The following ASCC2 variants were observed in gnomAD, a reference collection of about 807,000 sequenced individuals.
The protein encoded by ASCC2 is activating signal cointegrator 1 complex subunit 2.
In ASCC2, 42 loss-of-function variants were observed where a neutral mutation model predicts 93.5. The ratio of observed to expected loss-of-function variants is 0.45; its 90% CI spans 0.35 to 0.58. The LOEUF (loss-of-function observed/expected upper bound fraction) is 0.58, where lower values mean the gene tolerates loss of function less well. ASCC2 is among the 20% of genes least tolerant of loss of function. The pLI, the probability that ASCC2 is intolerant of heterozygous loss-of-function variation, is 0.00. For missense variants in ASCC2, 859 were observed against 977.6 expected (o/e 0.88, Z 1.62); for synonymous variants, 364 against 384.2 (o/e 0.95, Z 0.62).
At chr22:29,836,379 C>CAAAAAAAAA (rs999851531) in intron 1 of ASCC2, 3 of 35,496 alleles carry the variant, frequency 8.5e-5, no homozygotes, top group Non-Finnish European at 1.2e-4. Flanking sequence ...GACTCCATCT[C>CAAAAAAAAA]AAAAAAAAAA....
intron 8 of ASCC2, among the ~76,000 whole-genome samples, chr22:29,812,175 G>A (rs2060345550): frequency 6.6e-6 from 1 of 152,228 alleles, no homozygotes; most frequent in Non-Finnish European, 1.5e-5. Flanking sequence ...TTTGTTAAAT[G>A]GGTGAGTAAA....
intron 13 of ASCC2, 96 bp downstream of exon 13, chr22:29,804,542 T>C (rs2059455252): frequency 6.7e-7 from 1 of 1,486,500 alleles, no homozygotes; most frequent in Non-Finnish European, 9.1e-7. Flanking sequence ...TCCCTGAGTA[T>C]AAAAGCAAAG....
chr22:29,815,962 T>A (rs778075785), intron 6 of ASCC2, 44 bp downstream of exon 6: 4 of 1,499,292 alleles, frequency 2.7e-6, no homozygotes, highest in Non-Finnish European at 3.6e-6. Flanking sequence ...AGGTGGCCTA[T>A]CCTCCAAGCT....
chr22:29,803,106 C>T (rs2059283118), intron 13 of ASCC2, among the ~76,000 whole-genome samples: 1 of 151,592 alleles, frequency 6.6e-6, no homozygotes. Flanking sequence ...AAAAAATTAG[C>T]TGGGTGTGGT....
At chr22:29,806,947 G>A in intron 9 of ASCC2, 43 bp from the exon 10 acceptor site, 1 of 1,470,514 alleles carries the variant, frequency 6.8e-7, no homozygotes, top group South Asian at 1.2e-5. Context: ...GAGACAAAAA[G>A]GCCCTGAGGG....
intron 11 of ASCC2, 54 bp from the exon 12 acceptor site, chr22:29,806,344 T>C (rs1442836029): frequency 3.1e-6 from 5 of 1,593,808 alleles, no homozygotes; most frequent in African/African-American, 2.7e-5. Context: ...ACAGGAATGC[T>C]GTGCTGCTGC....
chr22:29,812,441 C>T (rs1682141902), intron 8 of ASCC2, among the ~76,000 whole-genome samples: 1 of 152,200 alleles, frequency 6.6e-6, no homozygotes, highest in African/African-American at 2.4e-5. Flanking sequence ...GCCTCCCTGG[C>T]TCATATTCTC....
At chr22:29,820,669 C>T (rs1460870903) in intron 5 of ASCC2, among the ~76,000 whole-genome samples, 1 of 151,778 alleles carries the variant, frequency 6.6e-6, no homozygotes, top group African/African-American at 2.4e-5. Flanking sequence ...CGCAGTGGCT[C>T]ACCGCCTGTA....
At position 29,816,021 on chromosome 22, in the gene ASCC2, C is replaced by T. The variant is rs2060811112; in HGVS notation, c.594G>A (p.Leu198=). The change falls in exon 6 of 20, where the codon CTG becomes CTA. Residue 198 remains leucine (L), a synonymous_variant. Coordinates refer to ENST00000307790, the MANE Select transcript of ASCC2 (RefSeq NM_032204.5). ...GAGCTGGTACCTGAAGGATGGTAGGCAGGGTTTCATCCAGGTCACTGTAGT... is the reference window on the plus strand; with the variant it reads ...GAGCTGGTACCTGAAGGATGGTAGGTAGGGTTTCATCCAGGTCACTGTAGT... ...PSYYSDLDET[L]PTILQVFSNI... is the part of the protein sequence containing the mutation. 5 of 1,596,064 alleles carry T rather than the reference C, an allele frequency of 3.1e-6. No individual in the cohort carries two copies. The highest frequency in any genetic ancestry group is 4.3e-6 in the Non-Finnish European group (5 of 1,170,640).
Position 29,790,536 on chromosome 22 carries a change from C to T in ASCC2, c.2035G>A (p.Val679Ile). 1 of 1,614,068 alleles carries T rather than the reference C, an allele frequency of 6.2e-7. No homozygotes were observed. The highest frequency in any genetic ancestry group is 8.5e-7 in the Non-Finnish European group (1 of 1,180,006). The change falls in exon 19 of 20, where the codon GTT (valine) becomes ATT (isoleucine). Residue 679 changes from valine (V) to isoleucine (I), a missense_variant. Coordinates refer to ENST00000307790, the MANE Select transcript of ASCC2 (RefSeq NM_032204.5). The stretch of plus-strand genomic sequence containing the variant: ...TCTCTCAGCACTGCAGGGTCCTGAA[C>T]AAAATGGTCGGGCTGTGGAAAGGAG... ...DEEAPKPDHF[V>I]QDPAVLREKA...
intron 5 of ASCC2, 197 bp downstream of exon 5, chr22:29,822,138 A>G (rs926158121): frequency 5.9e-5 from 40 of 674,220 alleles, no homozygotes; most frequent in African/African-American, 4.0e-4. Flanking sequence ...ACACAGTTTT[A>G]TTTCCACCTC....
chr22:29,798,191 G>A (rs1175550200), intron 15 of ASCC2, among the ~76,000 whole-genome samples: 1 of 152,150 alleles, frequency 6.6e-6, no homozygotes, highest in Non-Finnish European at 1.5e-5. Flanking sequence ...ATGTATTGAT[G>A]TCTCCACAAC....
intron 2 of ASCC2, among the ~76,000 whole-genome samples, chr22:29,831,562 AC>A (rs976323620): frequency 5.3e-5 from 8 of 152,218 alleles, no homozygotes; most frequent in African/African-American, 1.9e-4. Flanking sequence ...CCTGTTTCCC[AC>A]GACTTTACTC....
chr22:29,806,896 C>A lies in ASCC2; in HGVS notation c.917G>T (p.Gly306Val), dbSNP rs2059734294. The A allele has an allele frequency of 1.2e-6, 2 of 1,613,102 alleles. No homozygotes were observed. The highest frequency in any genetic ancestry group is 1.7e-6 in the Non-Finnish European group (2 of 1,179,238). Residue 306 changes from glycine to valine, a missense_variant, in exon 10 of 20, where the codon GGT (glycine) becomes GTT (valine). Transcript: ENST00000307790. ...KRRLEDSKLL[G>V]DLWQRLSHSR... Reference sequence around the variant, plus strand: ...ATGGGAGAGCCTCTGCCACAGGTCACCAAGAAGCCTAGGCCAGAGAGAAAA... The same window carrying A: ...ATGGGAGAGCCTCTGCCACAGGTCAACAAGAAGCCTAGGCCAGAGAGAAAA...
intron 7 of ASCC2, among the ~76,000 whole-genome samples, 186 bp downstream of exon 7, chr22:29,814,471 C>T (rs1366188482): frequency 1.3e-5 from 2 of 152,220 alleles, no homozygotes; most frequent in Non-Finnish European, 2.9e-5. Flanking sequence ...AAATCCAAGC[C>T]AGCTGAAAAT....
rs780978910 is a variant in ASCC2, at chr22:29,814,669, G to A, written c.708C>T (p.Asp236=). The A allele has an allele frequency of 2.5e-6, 4 of 1,599,080 alleles. No homozygotes were observed. The highest frequency in any genetic ancestry group is 3.4e-6 in the Non-Finnish European group (4 of 1,174,468). The change falls in exon 7 of 20, where the codon GAC becomes GAT. Residue 236 remains aspartate (D), a synonymous_variant. Transcript: ENST00000307790. ...AGGGCAACCTTACCAGGAGAGGCAT[G>A]TCACTGGGGGTCAATCGGCCCCTCT... ...LEERGRLTPS[D]MPLLELKDIV... is the part of the protein sequence containing the mutation.
intron 15 of ASCC2, 123 bp from the exon 16 acceptor site, chr22:29,793,799 G>C: frequency 7.1e-6 from 6 of 849,902 alleles, no homozygotes; most frequent in East Asian, 3.2e-5. Flanking sequence ...GGAGACAAAT[G>C]AAATCAAGCA....
intron 5 of ASCC2, chr22:29,816,645 C>T (rs2060883854): frequency 1.3e-5 from 2 of 152,246 alleles, no homozygotes; most frequent in Non-Finnish European, 2.9e-5. Flanking sequence ...GATAGATTTA[C>T]CACACACTTG....
rs776930535 is a variant in ASCC2, at chr22:29,801,064, CGTT to C, written c.1612_1614del (p.Asn538del). ...ACATCAAACTCGTCATTCTGGAAGA[CGTT>C]GTGGCGAGACGTCAGCAGGGGTGTA... is the stretch of plus-strand genomic sequence containing the variant. On this transcript the variant is annotated inframe_deletion, in exon 15 of 20. Coordinates refer to ENST00000307790, the MANE Select transcript of ASCC2 (RefSeq NM_032204.5). 1.2e-6 allele frequency: 2 copies of C among 1,609,282 alleles called. No individual in the cohort carries two copies. The highest frequency in any genetic ancestry group is 1.7e-6 in the Non-Finnish European group (2 of 1,176,094).
Sources: gnomAD v4.1 joint callset for allele counts (sites outside exome capture counted in the v4.1 genomes callset) on GRCh38, gnomAD v4.1.1 for gene constraint, MANE v1.5 for transcripts, NCBI Gene and HGNC (gene_info 2026-07-23, HGNC 2026-07-21) for gene names.